The following LRRTM4 variants were observed in gnomAD, a reference collection of about 807,000 sequenced individuals.
LRRTM4 encodes leucine-rich repeat transmembrane neuronal protein 4.
In LRRTM4, 25 loss-of-function variants were observed where a neutral mutation model predicts 47.6. The ratio of observed to expected loss-of-function variants is 0.53; its 90% CI spans 0.38 to 0.73. The LOEUF (loss-of-function observed/expected upper bound fraction) is 0.73. Ranked by LOEUF, LRRTM4 falls within the 30% of genes least tolerant of loss-of-function variation. The pLI is 0.00. For missense variants in LRRTM4, 638 were observed against 713.4 expected (o/e 0.89, Z 1.20); for synonymous variants, 311 against 269.5 (o/e 1.15, Z -1.51).
At chr2:77,081,934 A>G in intron 3 of LRRTM4, among the ~76,000 whole-genome samples, 1 of 152,136 alleles carries the variant, frequency 6.6e-6, no homozygotes, top group East Asian at 1.9e-4. Context: ...ATTTTTAAAT[A>G]GTCAAATAAA....
At chr2:76,898,583 G>A (rs1427546566) in intron 3 of LRRTM4, among the ~76,000 whole-genome samples, 3 of 145,470 alleles carry the variant, frequency 2.1e-5, no homozygotes, top group African/African-American at 2.5e-5. Context: ...AAAAGAGTTA[G>A]TACAGTAATG....
intron 3 of LRRTM4, among the ~76,000 whole-genome samples, chr2:77,000,787 C>T (rs1463254370): frequency 6.6e-6 from 1 of 151,088 alleles, no homozygotes; most frequent in African/African-American, 2.4e-5. Context: ...TCTGCTCTCT[C>T]ATCAGGAAGA....
chr2:77,468,045 T>C (rs756925603), intron 3 of LRRTM4, among the ~76,000 whole-genome samples: 1 of 152,186 alleles, frequency 6.6e-6, no homozygotes, highest in Non-Finnish European at 1.5e-5. Flanking sequence ...TTTTATTTCA[T>C]TAGATTTTTT....
At chr2:77,229,818 GCTTT>G (rs1674915053) in intron 3 of LRRTM4, among the ~76,000 whole-genome samples, 2 of 151,888 alleles carry the variant, frequency 1.3e-5, no homozygotes, top group African/African-American at 4.8e-5. Flanking sequence ...TGAATATCTT[GCTTT>G]CTTATTTTCT....
chr2:77,476,963 G>GGT (rs1558761247), intron 3 of LRRTM4, among the ~76,000 whole-genome samples: 2 of 104,460 alleles, frequency 1.9e-5, no homozygotes, highest in African/African-American at 8.1e-5. Flanking sequence ...ATTTGTAAGA[G>GGT]ATGTGTGTGT....
chr2:76,895,114 G>T (rs1673370509), intron 3 of LRRTM4, among the ~76,000 whole-genome samples: 1 of 151,804 alleles, frequency 6.6e-6, no homozygotes, highest in Non-Finnish European at 1.5e-5. Flanking sequence ...TCCCAAGTAG[G>T]TATTCTTCCA....
intron 3 of LRRTM4, among the ~76,000 whole-genome samples, chr2:77,056,783 GT>G (rs1205741479): frequency 6.6e-6 from 1 of 152,082 alleles, no homozygotes; most frequent in Admixed American, 6.6e-5. Context: ...TCAAAAAATG[GT>G]TTCCAGTTTG....
At position 77,141,101 on chromosome 2, in the gene LRRTM4, A is replaced by C. The variant is rs1320046080; in HGVS notation, c.1551+377217T>G. Among the ~76,000 whole-genome samples, 8 of 152,284 alleles carry C rather than the reference A, an allele frequency of 5.3e-5. No homozygotes were observed. The East Asian group carries it at 1.2e-3, about 22-fold the overall frequency. On this transcript the variant is annotated intron_variant, in intron 3 of 3. Transcript: ENST00000409884. ...GATCTAGAACTAGAAATACCATTTG[A>C]CCCAGCCATCCCATTACTGGGTATA... is the stretch of plus-strand genomic sequence containing the variant.
intron 3 of LRRTM4, among the ~76,000 whole-genome samples, chr2:76,944,203 C>T (rs1675248921): frequency 6.6e-6 from 1 of 152,110 alleles, no homozygotes; most frequent in South Asian, 2.1e-4. Flanking sequence ...CTTCTTTGAA[C>T]ATGCTGTCAC....
intron 3 of LRRTM4, among the ~76,000 whole-genome samples, chr2:77,409,056 G>T (rs1407694479): frequency 1.3e-5 from 2 of 152,062 alleles, no homozygotes; most frequent in Non-Finnish European, 2.9e-5. Flanking sequence ...GTCTTTTAAT[G>T]AACATTGAAT....
chr2:76,971,167 G>A (rs191134592), intron 3 of LRRTM4, among the ~76,000 whole-genome samples: 2 of 152,056 alleles, frequency 1.3e-5, no homozygotes, highest in African/African-American at 4.8e-5. Flanking sequence ...AGTTAAAACA[G>A]ACTCTTAATA....
At chr2:76,873,819 G>A (rs1029479979) in intron 3 of LRRTM4, among the ~76,000 whole-genome samples, 3 of 151,610 alleles carry the variant, frequency 2.0e-5, no homozygotes, top group African/African-American at 2.4e-5. Context: ...TGATGCTAAT[G>A]TACTTAAACA....
chr2:77,020,590 C>T (rs1678232492), intron 3 of LRRTM4, among the ~76,000 whole-genome samples: 2 of 138,578 alleles, frequency 1.4e-5, no homozygotes, highest in Non-Finnish European at 3.0e-5. Context: ...ACACAAATTA[C>T]ACACTCTCAA....
At chr2:77,158,681 A>G (rs146380554) in intron 3 of LRRTM4, among the ~76,000 whole-genome samples, 1 of 152,222 alleles carries the variant, frequency 6.6e-6, no homozygotes, top group South Asian at 2.1e-4. Flanking sequence ...TTTTACATAC[A>G]TTTGGATTCT....
At chr2:76,899,814 T>A (rs1357338285) in intron 3 of LRRTM4, among the ~76,000 whole-genome samples, 2 of 152,202 alleles carry the variant, frequency 1.3e-5, no homozygotes, top group East Asian at 3.9e-4. Flanking sequence ...ACTAGATAGT[T>A]AGATCTATGA....
chr2:77,154,207 A>G (rs1303459860), intron 3 of LRRTM4, among the ~76,000 whole-genome samples: 1 of 152,148 alleles, frequency 6.6e-6, no homozygotes, highest in African/African-American at 2.4e-5. Flanking sequence ...TCTAGTTTCC[A>G]TGTCTAACAA....
chr2:77,068,744 C>T (rs1042428730), intron 3 of LRRTM4, among the ~76,000 whole-genome samples: 6 of 152,160 alleles, frequency 3.9e-5, no homozygotes, highest in Non-Finnish European at 7.3e-5. Context: ...TGGGAACAGG[C>T]CCCCCAAAAT....
intron 3 of LRRTM4, among the ~76,000 whole-genome samples, chr2:77,030,635 G>T (rs1319780570): frequency 6.6e-6 from 1 of 151,724 alleles, no homozygotes; most frequent in Non-Finnish European, 1.5e-5. Context: ...CAAAACTAAG[G>T]ATAACAACCA....
chr2:76,815,930 T>C (rs1041572616), intron 3 of LRRTM4, among the ~76,000 whole-genome samples: 2 of 152,114 alleles, frequency 1.3e-5, no homozygotes, highest in Non-Finnish European at 2.9e-5. Context: ...TCTTCCCCTT[T>C]TTTTTCTCTA....
Sources: gnomAD v4.1 joint callset for allele counts (sites outside exome capture counted in the v4.1 genomes callset) on GRCh38, gnomAD v4.1.1 for gene constraint, MANE v1.5 for transcripts, NCBI Gene and HGNC (gene_info 2026-07-23, HGNC 2026-07-21) for gene names.